The following FAT2 variants were observed in gnomAD, a reference collection of about 807,000 sequenced individuals.
FAT2 encodes FAT atypical cadherin 2.
In FAT2, 150 loss-of-function variants were observed where a neutral mutation model predicts 295.3. The observed-to-expected ratio is 0.51, with a 90% CI of 0.44 to 0.58. FAT2 has a LOEUF of 0.58. FAT2 is among the 20% of genes least tolerant of loss of function. The probability of loss-of-function intolerance (pLI) is 0.00; values close to 1 mark genes in which losing one functional copy is unlikely to be tolerated. For missense variants in FAT2, 4,868 were observed against 5,442.7 expected, an observed-to-expected ratio of 0.89 and a Z score of 3.32; for synonymous variants, 2,026 against 2,150.3, an observed-to-expected ratio of 0.94 and a Z score of 1.60.
Position 151,505,953 on chromosome 5 carries a change from C to A in FAT2, c.12662G>T (p.Gly4221Val). 1 of 1,576,046 alleles carries A rather than the reference C, an allele frequency of 6.3e-7. No homozygotes were observed. The highest frequency in any genetic ancestry group is 2.0e-5 in the Admixed American group (1 of 50,962). ...GGGGAAGGGGAAGCCCCCATAGAGGCCATTAGGCTCTGGCATCACGACTGG... is the reference window on the plus strand; with the variant it reads ...GGGGAAGGGGAAGCCCCCATAGAGGACATTAGGCTCTGGCATCACGACTGG... The part of the protein sequence containing the change: ...STPVVMPEPN[G>V]LYGGFPFPLE... The change falls in exon 24 of 24, where the codon GGC (glycine) becomes GTC (valine). Residue 4221 changes from glycine (G) to valine (V), a missense_variant. This residue lies in a region of FAT2 where 492 missense variants were observed against 482.6 expected (regional missense o/e 1.02). Transcript: ENST00000261800.
Position 151,521,969 on chromosome 5 carries a change from C to G in FAT2, c.10624G>C (p.Glu3542Gln), listed in dbSNP as rs200363852. ...ACCATGCCACCCTGGAACTCATCCT[C>G]TCCAACAGTGATGAAGATCTCCAGT... Reference protein sequence around the residue: ...LPLEIFITVGEDEFQGGMVGK... With the variant: ...LPLEIFITVGQDEFQGGMVGK... Residue 3542 changes from glutamate (E) to glutamine (Q), a missense_variant, in exon 19 of 24, where the codon GAG (glutamate) becomes CAG (glutamine). Transcript: ENST00000261800. 641 of 1,614,082 alleles carry G rather than the reference C, an allele frequency of 4.0e-4. 1 individual carries two copies. The highest frequency in any genetic ancestry group is 5.0e-4 in the Non-Finnish European group (591 of 1,180,038).
chr5:151,550,216 G>T (rs1757059097), intron 8 of FAT2, among the ~76,000 whole-genome samples: 1 of 152,178 alleles, frequency 6.6e-6, no homozygotes, highest in Non-Finnish European at 1.5e-5. Context: ...TTTGTGTCCT[G>T]CATGCCTTGC....
chr5:151,529,090 C>A, intron 15 of FAT2, 88 bp downstream of exon 15: 3 of 1,119,916 alleles, frequency 2.7e-6, no homozygotes, highest in South Asian at 1.3e-5. Context: ...TAAACTAATC[C>A]ATGCTCATAG....
rs79454460 is a variant in FAT2, at chr5:151,554,215, A to G, written c.3945+147T>C. The G allele has an allele frequency of 2.6e-3, 1,856 of 722,200 alleles. 23 individuals are homozygous for G. In the African/African-American group the frequency reaches 0.03, roughly 12 times the overall value. The allele number at this position is 722,200 out of a possible 1,614,324, so 44.7% of individuals were successfully genotyped here. Reference sequence around the variant, plus strand: ...GAATTTGATCCTTTGGCTGAAGCTGAGACTCCCAGTTTCTCTGGGAGAAGG... The same window carrying G: ...GAATTTGATCCTTTGGCTGAAGCTGGGACTCCCAGTTTCTCTGGGAGAAGG... On this transcript the variant is annotated intron_variant, in intron 5 of 23. Transcript: ENST00000261800.
At chr5:151,510,226 G>A (rs778150037) in intron 21 of FAT2, 52 bp from the exon 22 acceptor site, 5 of 1,593,546 alleles carry the variant, frequency 3.1e-6, no homozygotes, top group South Asian at 2.2e-5. Context: ...GCAGTTAAAG[G>A]AGACCTGGCA....
chr5:151,534,416 G>C lies in FAT2; in HGVS notation c.9420C>G (p.Pro3140=). ...TPVAVVFARD[P]DQGANAQVVY... is the part of the protein sequence containing the mutation. ...AATCCTTCTCAGACTCACCTTGGTC[G>C]GGATCCCGGGCAAATACTACAGCCA... The change falls in exon 13 of 24, where the codon CCC becomes CCG. Residue 3140 remains proline (P), a synonymous_variant. Coordinates refer to ENST00000261800, the MANE Select transcript of FAT2 (RefSeq NM_001447.3). 6.2e-7 allele frequency: 1 copy of C among 1,605,680 alleles called. No individual in the cohort carries two copies. Among genetic ancestry groups the C allele is most frequent in the Non-Finnish European group, 8.5e-7 (1 of 1,174,390 alleles).
chr5:151,574,556 T>C (rs13361506), intron 1 of FAT2, among the ~76,000 whole-genome samples: 3,114 of 152,266 alleles, frequency 0.02, 58 homozygotes, highest in East Asian at 0.051. Context: ...TTTCTCTTCT[T>C]AGTAGTAGGG....
Position 151,531,699 on chromosome 5 carries a change from A to G in FAT2, c.9699T>C (p.Pro3233=), listed in dbSNP as rs2127591316. ...HSVQVPEDAP[P]GTEVLQLATL... is the part of the protein sequence containing the mutation. ...TGGCCAGCTGCAGCACCTCCGTGCC[A>G]GGTGGGGCGTCCTCGGGCACCTGCA... Residue 3233 remains proline (P), a synonymous_variant, in exon 14 of 24, where the codon CCT becomes CCC. Coordinates refer to ENST00000261800, the MANE Select transcript of FAT2 (RefSeq NM_001447.3). The surrounding 1 kb of genome is among the most constrained non-coding windows in gnomAD (Gnocchi z 5.7). 1 of 1,613,764 alleles carries G rather than the reference A, an allele frequency of 6.2e-7. No homozygotes were observed.
At chr5:151,577,020 T>C (rs1344152598) in intron 1 of FAT2, among the ~76,000 whole-genome samples, 1 of 152,228 alleles carries the variant, frequency 6.6e-6, no homozygotes, top group Non-Finnish European at 1.5e-5. Context: ...AAGTATGGTA[T>C]TATAATTTTA....
Position 151,512,429 on chromosome 5 carries a change from T to G in FAT2, c.11641A>C (p.Asn3881His). The stretch of plus-strand genomic sequence containing the variant: ...CTTTCGGGCCTCAGACCACGGCAGT[T>G]CTCTGGGACCACAAGGGAGGTGTTG... ...MGNTSLVVPE[N>H]CRGLRPERHL... Residue 3881 changes from asparagine (N) to histidine (H), a missense_variant, in exon 21 of 24, where the codon AAC becomes CAC. Transcript: ENST00000261800. This position sits in a 1 kb window ranked among gnomAD's most constrained non-coding sequence, Gnocchi z 4.1. 1 of 1,614,186 alleles carries G rather than the reference T, an allele frequency of 6.2e-7. No individual in the cohort carries two copies. The highest frequency in any genetic ancestry group is 1.1e-5 in the South Asian group (1 of 91,086).
Position 151,534,970 on chromosome 5 carries a change from A to ATATATATAT in FAT2, c.9194-329_9194-328insATATATATA, listed in dbSNP as rs1755078921. The stretch of plus-strand genomic sequence containing the variant: ...TGGTTCGTAATTCCACTTCTAGGAA[A>ATATATATAT]ATATATATATATATATATATATATA... On this transcript the variant is annotated intron_variant, in intron 12 of 23. Coordinates refer to ENST00000261800, the MANE Select transcript of FAT2 (RefSeq NM_001447.3). Among the ~76,000 whole-genome samples, 34 of 106,408 alleles carry ATATATATAT rather than the reference A, an allele frequency of 3.2e-4. 1 individual carries two copies. In the South Asian group the frequency reaches 4.2e-3, roughly 13 times the overall value. 69.8% of individuals were successfully genotyped at this position (106,408 alleles called of 152,430 possible).
rs1581390872 is a variant in FAT2 at position 151,542,435 on chromosome 5, C to A, written c.8692G>T (p.Asp2898Tyr). ...SQALVQVSIT[D>Y]ENDNAPRFAS... ...AATCGGGGAGCATTGTCATTCTCAT[C>A]TGTAATGGAGACCTGAACCAGGGCC... The change falls in exon 10 of 24, where the codon GAT (aspartate) becomes TAT (tyrosine). Residue 2898 changes from aspartate (D) to tyrosine (Y), a missense_variant. Asp to Tyr is a radical substitution (Grantham distance 160). Coordinates refer to ENST00000261800, the MANE Select transcript of FAT2 (RefSeq NM_001447.3). 6.2e-7 allele frequency: 1 copy of A among 1,614,082 alleles called. No homozygotes were observed. The highest frequency in any genetic ancestry group is 1.1e-5 in the South Asian group (1 of 91,088).
rs141988534 is a variant in FAT2 at position 151,583,630 on chromosome 5, C to A, written c.-21+7535G>T. On this transcript the variant is annotated intron_variant, in intron 1 of 23. Transcript: ENST00000261800. ...TATTAATCTGGGAGCTGGTTAGTTTCTGGAAAATTCATTGAGCTGTACACT... is the reference window on the plus strand; with the variant it reads ...TATTAATCTGGGAGCTGGTTAGTTTATGGAAAATTCATTGAGCTGTACACT... Among the ~76,000 whole-genome samples the A allele has an allele frequency of 1.2e-3, 177 of 152,224 alleles. 5 individuals carry two copies. In the East Asian group the frequency reaches 0.013, roughly 12 times the overall value.
At chr5:151,533,660 A>AT (rs1166956424) in intron 13 of FAT2, among the ~76,000 whole-genome samples, 3 of 151,728 alleles carry the variant, frequency 2.0e-5, no homozygotes, top group African/African-American at 2.4e-5. Flanking sequence ...TGCTGAGAGC[A>AT]TTTTTTTTAC....
chr5:151,537,616 T>C (rs761172193), intron 12 of FAT2, among the ~76,000 whole-genome samples, 177 bp downstream of exon 12: 16 of 152,238 alleles, frequency 1.1e-4, no homozygotes, highest in Non-Finnish European at 1.8e-4. Flanking sequence ...GCCCAAATCT[T>C]GTCTTATCAA....
Position 151,566,285 on chromosome 5 carries a change from G to T in FAT2, c.2647C>A (p.Arg883Ser), listed in dbSNP as rs751871508. The T allele has an allele frequency of 3.7e-6, 6 of 1,614,060 alleles. No homozygotes were observed. Among genetic ancestry groups the T allele is most frequent in the South Asian group, 2.2e-5 (2 of 91,058 alleles). ...GELVVTGHLD[R>S]ESEPRYILKV... ...AGTATGTACCGAGGCTCTGATTCGC[G>T]GTCCAGGTGTCCTGTAACAACCAGT... is the stretch of plus-strand genomic sequence containing the variant. Residue 883 changes from arginine to serine, a missense_variant, in exon 2 of 24, where the codon CGC (arginine) becomes AGC (serine). Arg to Ser is a moderately radical substitution (Grantham distance 110). Around this residue, in one of 5 missense-constraint regions of FAT2, gnomAD observed 3,297 missense variants for 3,669.4 expected, o/e 0.90. Coordinates refer to ENST00000261800, the MANE Select transcript of FAT2 (RefSeq NM_001447.3).
At position 151,534,436 on chromosome 5, in the gene FAT2, C is replaced by G. The variant is rs372971928; in HGVS notation, c.9400G>C (p.Val3134Leu). ...DNTTVKTPVA[V>L]VFARDPDQGA... ...TGGTCGGGATCCCGGGCAAATACTA[C>G]AGCCACAGGGGTCTTCACTGTGGTG... is the stretch of plus-strand genomic sequence containing the variant. The change falls in exon 13 of 24, where the codon GTA (valine) becomes CTA (leucine). Residue 3134 changes from valine to leucine, a missense_variant. Around this residue, in one of 5 missense-constraint regions of FAT2, gnomAD observed 1,046 missense variants for 1,210.1 expected, o/e 0.86. Coordinates refer to ENST00000261800, the MANE Select transcript of FAT2 (RefSeq NM_001447.3). 7.5e-6 allele frequency: 12 copies of G among 1,610,254 alleles called. No homozygotes were observed. Among genetic ancestry groups the G allele is most frequent in the Non-Finnish European group, 9.3e-6 (11 of 1,177,426 alleles).
At chr5:151,559,665 C>A (rs886550639) in intron 3 of FAT2, among the ~76,000 whole-genome samples, 2 of 149,610 alleles carry the variant, frequency 1.3e-5, no homozygotes, top group Non-Finnish European at 2.9e-5. Flanking sequence ...GTGTGTCTGT[C>A]TCTCTCTCCC....
upstream of FAT2, among the ~76,000 whole-genome samples, chr5:151,594,135 G>T (rs573735949): frequency 4.6e-5 from 7 of 152,330 alleles, no homozygotes; most frequent in South Asian, 1.5e-3. Flanking sequence ...AGAAACTGAA[G>T]CTCAGAAAAG....
Sources: allele counts gnomAD v4.1 joint callset (sites outside exome capture counted in the v4.1 genomes callset), GRCh38; gene constraint gnomAD v4.1.1; regional missense constraint gnomAD v4.1.1; non-coding constraint Gnocchi (gnomAD v3.1); transcripts MANE v1.5; gene names NCBI Gene and HGNC (gene_info 2026-07-23, HGNC 2026-07-21).